ENDOV: variants seen among roughly 807,000 people sequenced by gnomAD.
ENDOV encodes the protein hEndoV.
In ENDOV, 37 loss-of-function variants were observed where a neutral mutation model predicts 39.4. The ratio of observed to expected loss-of-function variants is 0.94; its 90% CI spans 0.72 to 1.23. ENDOV has a LOEUF of 1.23. Among genes scored for constraint, ENDOV ranks in the 50% most tolerant of loss-of-function variants. The pLI, the probability that ENDOV is intolerant of heterozygous loss-of-function variation, is 0.00. For missense variants in ENDOV, 441 were observed against 375.7 expected (o/e 1.17, Z -1.44); for synonymous variants, 186 against 163.4 (o/e 1.14, Z -1.05).
At chr17:80,423,985 G>GGC in intron 5 of ENDOV, 9 of 209,210 alleles carry the variant, frequency 4.3e-5, no homozygotes, top group East Asian at 1.0e-4. Context: ...ACCCCGCCTT[G>GGC]CCCCAGCCCC....
intron 2 of ENDOV, chr17:80,419,320 T>C (rs2081635694): frequency 2.3e-6 from 1 of 436,758 alleles, no homozygotes; most frequent in East Asian, 3.5e-5. Context: ...CTGGCCTGCT[T>C]TTCCCACCGT....
At chr17:80,420,826 C>T (rs928348280) in intron 2 of ENDOV, among the ~76,000 whole-genome samples, 20 of 152,208 alleles carry the variant, frequency 1.3e-4, no homozygotes, top group Non-Finnish European at 2.4e-4. Flanking sequence ...TACAGGCATG[C>T]GCCACCACGC....
chr17:80,423,834 C>T lies in ENDOV; in HGVS notation c.516+202C>T. 4 of 571,280 alleles carry T rather than the reference C, an allele frequency of 7.0e-6. No homozygotes were observed. The East Asian group carries it at 9.1e-5, about 13-fold the overall frequency. The allele number at this position is 571,280 out of a possible 1,614,324, so 35.4% of individuals were successfully genotyped here. A position where few individuals can be genotyped will look rare whatever the true frequency, so the allele number is the denominator to read the frequency against. On this transcript the variant is annotated intron_variant, in intron 5 of 9. Transcript: ENST00000518137. ...TCAGCTGAGGGCGCTCTGAGCTCCT[C>T]TCCTGCCTCCTGGGTGTGCCTGCCT...
At chr17:80,418,509 C>T (rs893620175) in intron 2 of ENDOV, 4 of 152,188 alleles carry the variant, frequency 2.6e-5, no homozygotes, top group South Asian at 2.1e-4. Context: ...CCTGCTACTT[C>T]GTCGGTATTC....
Position 80,415,791 on chromosome 17 carries a change from C to T in ENDOV, c.198C>T (p.Ser66=). 2 of 1,601,828 alleles carry T rather than the reference C, an allele frequency of 1.2e-6. No individual in the cohort carries two copies. The highest frequency in any genetic ancestry group is 1.7e-6 in the Non-Finnish European group (2 of 1,174,384). ...GGGACAGTGTCCGCGCTTGTGCTTC[C>T]CTGGTGGTGCTCAGCTTCCCTGAGC... ...VKGDSVRACA[S]LVVLSFPELE... The change falls in exon 2 of 10, where the codon TCC becomes TCT. Residue 66 remains serine, a synonymous_variant. Transcript: ENST00000518137.
At chr17:80,420,114 C>T in intron 2 of ENDOV, 1 of 181,616 alleles carries the variant, frequency 5.5e-6, no homozygotes, top group Non-Finnish European at 1.2e-5. Context: ...TGCGTGTGTA[C>T]CGTACATCCC....
rs140498727 is a variant in ENDOV, at chr17:80,415,737, C to T, written c.144C>T (p.Val48=). 3 of 1,607,844 alleles carry T rather than the reference C, an allele frequency of 1.9e-6. No individual in the cohort carries two copies. The highest frequency in any genetic ancestry group is 1.1e-5 in the South Asian group (1 of 89,806). Residue 48 remains valine, a synonymous_variant, in exon 2 of 10, where the codon GTC becomes GTT. Coordinates refer to ENST00000518137, the MANE Select transcript of ENDOV (RefSeq NM_173627.5). ...CCGCCTTCTCGGGTCTGCAGAGGGT[C>T]GGGGGCGTTGACGTGTCCTTCGTGA... is the stretch of plus-strand genomic sequence containing the variant. The part of the protein sequence containing the change: ...RDPAFSGLQR[V]GGVDVSFVKG...
chr17:80,433,015 C>T (rs1032927845), intron 9 of ENDOV: 4 of 446,688 alleles, frequency 9.0e-6, no homozygotes, highest in South Asian at 4.9e-5. Context: ...GGAGGCTCAG[C>T]ACCCCCTGCC....
chr17:80,432,078 G>A (rs569197202), intron 9 of ENDOV, among the ~76,000 whole-genome samples: 89 of 152,276 alleles, frequency 5.8e-4, no homozygotes, highest in African/African-American at 2.0e-3. Context: ...TCTGGTGGGC[G>A]CTGAAGGTCC....
intron 8 of ENDOV, 116 bp downstream of exon 8, chr17:80,428,776 C>G: frequency 9.9e-7 from 1 of 1,012,490 alleles, no homozygotes; most frequent in South Asian, 1.5e-5. Flanking sequence ...ACAGACAGTG[C>G]AGGGCCAGGG....
At chr17:80,433,868 A>G (rs2083462987) in intron 9 of ENDOV, among the ~76,000 whole-genome samples, 1 of 152,256 alleles carries the variant, frequency 6.6e-6, no homozygotes, top group African/African-American at 2.4e-5. Flanking sequence ...GGAGCAGGCC[A>G]GAGCCTGGAG....
At chr17:80,420,421 C>T (rs2081847088) in intron 2 of ENDOV, 2 of 152,296 alleles carry the variant, frequency 1.3e-5, no homozygotes, top group African/African-American at 2.4e-5. Flanking sequence ...AGAATGGACC[C>T]TCCCCACTTT....
intron 2 of ENDOV, among the ~76,000 whole-genome samples, chr17:80,420,864 A>G (rs529310369): frequency 6.6e-6 from 1 of 152,260 alleles, no homozygotes; most frequent in Admixed American, 6.5e-5. Flanking sequence ...TTTAGTAAAC[A>G]CGGGGTTTCT....
At chr17:80,430,785 G>A (rs2083287129) in intron 9 of ENDOV, among the ~76,000 whole-genome samples, 1 of 152,226 alleles carries the variant, frequency 6.6e-6, no homozygotes, top group African/African-American at 2.4e-5. Flanking sequence ...TCTGAAAGTT[G>A]ATCACTGTCC....
chr17:80,433,554 C>G (rs1441394657), intron 9 of ENDOV, among the ~76,000 whole-genome samples: 2 of 152,262 alleles, frequency 1.3e-5, no homozygotes, highest in African/African-American at 4.8e-5. Flanking sequence ...AGGACCACAC[C>G]TCCTGCGCCC....
At chr17:80,430,444 A>G in intron 9 of ENDOV, 2 of 1,331,096 alleles carry the variant, frequency 1.5e-6, no homozygotes, top group Non-Finnish European at 2.0e-6. Flanking sequence ...ATCAGGGTTC[A>G]TTTTTAAAGC....
chr17:80,425,086 A>G lies in ENDOV; in HGVS notation c.571A>G (p.Thr191Ala). 6.2e-7 allele frequency: 1 copy of G among 1,609,908 alleles called. No individual in the cohort carries two copies. The highest frequency in any genetic ancestry group is 8.5e-7 in the Non-Finnish European group (1 of 1,178,174). ...ATTCCCTCTGCTGGGAGACTCTGGG[A>G]CTGTCCTGGGAATGGTGAGTAGCTA... is the stretch of plus-strand genomic sequence containing the variant. ...DSFPLLGDSG[T>A]VLGMALRSHD... is the part of the protein sequence containing the mutation. Residue 191 changes from threonine (T) to alanine (A), a missense_variant, in exon 6 of 10, where the codon ACT (threonine) becomes GCT (alanine). By Grantham distance (58) the Thr-to-Ala change is moderately conservative (BLOSUM62 0). Coordinates refer to ENST00000518137, the MANE Select transcript of ENDOV (RefSeq NM_173627.5).
chr17:80,433,697 G>T (rs981482771), intron 9 of ENDOV, among the ~76,000 whole-genome samples: 15 of 152,200 alleles, frequency 9.9e-5, no homozygotes, highest in African/African-American at 3.1e-4. Flanking sequence ...CCTCTGTGAG[G>T]GGGGCAGAGA....
In ENDOV at chr17:80,429,660, G is replaced by A. The variant is rs765445632; in HGVS notation, c.780-113G>A. ...GCCCTGCCCTCTGCCCTGGGCTGTA[G>A]CAGGTCCTGAGTGTCCAGGCCAAGC... On this transcript the variant is annotated intron_variant, in intron 8 of 9. Transcript: ENST00000518137. The A allele has an allele frequency of 7.3e-5, 73 of 1,002,388 alleles. 1 individual carries two copies. Among genetic ancestry groups the A allele is most frequent in the Non-Finnish European group, 1.0e-4 (70 of 675,130 alleles). 62.1% of individuals were successfully genotyped at this position (1,002,388 alleles called of 1,614,324 possible).
Sources: gnomAD v4.1 joint callset for allele counts (sites outside exome capture counted in the v4.1 genomes callset) on GRCh38, gnomAD v4.1.1 for gene constraint, MANE v1.5 for transcripts, NCBI Gene and HGNC (gene_info 2026-07-23, HGNC 2026-07-21) for gene names.